ZCCHC2: variants seen among roughly 807,000 people sequenced by gnomAD.
ZCCHC2 encodes zinc finger CCHC domain-containing protein 2.
In ZCCHC2, 39 loss-of-function variants were observed where a neutral mutation model predicts 103.6. That is an observed-to-expected ratio of 0.38 (90% CI 0.29 to 0.49). The LOEUF (loss-of-function observed/expected upper bound fraction) is 0.49. Among genes scored for constraint, ZCCHC2 ranks in the 20% least tolerant of loss-of-function variants. The pLI is 0.96. For synonymous variants in ZCCHC2, 687 were observed against 608.9 expected, an observed-to-expected ratio of 1.13 and a Z score of -1.89; for missense variants, 1,483 against 1,491.0, an observed-to-expected ratio of 0.99 and a Z score of 0.09.
intron 1 of ZCCHC2, among the ~76,000 whole-genome samples, chr18:62,528,109 A>C (rs1261650731): frequency 6.6e-6 from 1 of 152,238 alleles, no homozygotes; most frequent in Non-Finnish European, 1.5e-5. Flanking sequence ...AGATCTTCAA[A>C]GCTTAATTGC....
At chr18:62,546,845 A>G (rs1433498915) in intron 4 of ZCCHC2, among the ~76,000 whole-genome samples, 8 of 152,222 alleles carry the variant, frequency 5.3e-5, no homozygotes, top group Non-Finnish European at 1.2e-4. Flanking sequence ...AATCATAGCA[A>G]TTGATGAACA....
chr18:62,540,600 A>G (rs1303878518), intron 2 of ZCCHC2, among the ~76,000 whole-genome samples: 1 of 152,204 alleles, frequency 6.6e-6, no homozygotes, highest in South Asian at 2.1e-4. Context: ...AAGTACTTTA[A>G]TCAGACTACT....
chr18:62,582,987 C>T (rs1232326580), downstream of ZCCHC2, among the ~76,000 whole-genome samples: 1 of 152,106 alleles, frequency 6.6e-6, no homozygotes, highest in Non-Finnish European at 1.5e-5. Flanking sequence ...GCCTGTAGTC[C>T]CAGCTACTCA....
At chr18:62,584,171 C>A (rs1376600193) in intron 14 of ZCCHC2, among the ~76,000 whole-genome samples, 1 of 152,190 alleles carries the variant, frequency 6.6e-6, no homozygotes, top group Admixed American at 6.5e-5. Context: ...CACCTGAGTT[C>A]TGTGTGTGTA....
intron 14 of ZCCHC2, among the ~76,000 whole-genome samples, chr18:62,584,003 T>A (rs1212250044): frequency 6.6e-6 from 1 of 152,128 alleles, no homozygotes; most frequent in Non-Finnish European, 1.5e-5. Flanking sequence ...ATTGGCTTGC[T>A]CAGGTTGGAT....
chr18:62,571,997 C>G (rs553229137), intron 12 of ZCCHC2, among the ~76,000 whole-genome samples: 7 of 152,356 alleles, frequency 4.6e-5, no homozygotes, highest in African/African-American at 1.7e-4. Flanking sequence ...TACTTCTAAT[C>G]TGCAGTTTCC....
At position 62,574,236 on chromosome 18, in the gene ZCCHC2, A is replaced by T. The variant is rs1916707230; in HGVS notation, c.2155A>T (p.Met719Leu). The change falls in exon 13 of 14, where the codon ATG becomes TTG. Residue 719 changes from methionine to leucine, a missense_variant. Physicochemically the swap from Met to Leu is conservative, Grantham distance 15 (BLOSUM62 2). Coordinates refer to ENST00000269499, the MANE Select transcript of ZCCHC2 (RefSeq NM_017742.6). ...NSPKYQHISF[M>L]PTLHCVMHNG... ...ACCCAAGTATCAGCATATTTCTTTT[A>T]TGCCAACGTTACACTGTGTCATGCA... is the stretch of plus-strand genomic sequence containing the variant. 6.2e-7 allele frequency: 1 copy of T among 1,613,894 alleles called. No individual in the cohort carries two copies. The highest frequency in any genetic ancestry group is 8.5e-7 in the Non-Finnish European group (1 of 1,179,900).
At chr18:62,529,803 G>C (rs957799696) in intron 1 of ZCCHC2, among the ~76,000 whole-genome samples, 2 of 152,152 alleles carry the variant, frequency 1.3e-5, no homozygotes, top group Non-Finnish European at 2.9e-5. Context: ...AAATATGTCT[G>C]TGTGATTTAT....
intron 8 of ZCCHC2, 101 bp from the exon 9 acceptor site, chr18:62,562,908 C>CTAA (rs1444082665): frequency 5.9e-6 from 8 of 1,359,868 alleles, no homozygotes; most frequent in Non-Finnish European, 8.0e-6. Context: ...CTTGAAGAAA[C>CTAA]TAATATATTG....
chr18:62,539,639 G>A (rs1915086469), intron 1 of ZCCHC2, 42 bp from the exon 2 acceptor site: 1 of 1,497,496 alleles, frequency 6.7e-7, no homozygotes, highest in Admixed American at 2.0e-5. Context: ...ATTACTCTTA[G>A]TCCATGGTTT....
intron 4 of ZCCHC2, among the ~76,000 whole-genome samples, chr18:62,547,166 A>G (rs2145503244): frequency 6.6e-6 from 1 of 152,152 alleles, no homozygotes; most frequent in African/African-American, 2.4e-5. Context: ...GTCTACTAAA[A>G]ATACAAAAAA....
downstream of ZCCHC2, among the ~76,000 whole-genome samples, chr18:62,582,183 G>A (rs909757679): frequency 2.6e-5 from 4 of 152,366 alleles, no homozygotes; most frequent in Admixed American, 2.6e-4. Context: ...ATTGACAGTG[G>A]TATTTGAGGA....
chr18:62,529,834 T>C (rs1185079684), intron 1 of ZCCHC2, among the ~76,000 whole-genome samples: 1 of 152,224 alleles, frequency 6.6e-6, no homozygotes, highest in Non-Finnish European at 1.5e-5. Context: ...CCATGGTTTC[T>C]ACATCCGGGG....
chr18:62,553,968 G>A (rs1248379691), intron 5 of ZCCHC2, among the ~76,000 whole-genome samples: 1 of 151,960 alleles, frequency 6.6e-6, no homozygotes, highest in Non-Finnish European at 1.5e-5. Context: ...CTGGTTTCAG[G>A]GTTTTGTGTC....
At chr18:62,563,246 A>G (rs1482015535) in intron 9 of ZCCHC2, 102 bp downstream of exon 9, 1 of 1,362,128 alleles carries the variant, frequency 7.3e-7, no homozygotes, top group Non-Finnish European at 1.0e-6. Context: ...TATATCTGGT[A>G]AGAAATGAAG....
At chr18:62,547,025 C>CT (rs1915442735) in intron 4 of ZCCHC2, among the ~76,000 whole-genome samples, 1 of 151,970 alleles carries the variant, frequency 6.6e-6, no homozygotes, top group African/African-American at 2.4e-5. Context: ...TTAACATCAT[C>CT]TACAAAAGTT....
rs1012135376 is a variant in ZCCHC2 at position 62,524,217 on chromosome 18, A to T, written c.793A>T (p.Met265Leu). Residue 265 changes from methionine (M) to leucine (L), a missense_variant, in exon 1 of 14, where the codon ATG becomes TTG. Met to Leu is a conservative substitution (Grantham distance 15). This residue lies in a region of ZCCHC2 where 568 missense variants were observed against 525.1 expected (regional missense o/e 1.08). Transcript: ENST00000269499. ...GGAGGAACTGCTGCTGCTCTTCACCATGGCCTCGCTGCACCCGGCTTTCTC... is the reference window on the plus strand; with the variant it reads ...GGAGGAACTGCTGCTGCTCTTCACCTTGGCCTCGCTGCACCCGGCTTTCTC... ...AQEELLLLFT[M>L]ASLHPAFSFH... is the part of the protein sequence containing the mutation. The T allele has an allele frequency of 1.3e-6, 2 of 1,549,844 alleles. No individual in the cohort carries two copies. Among genetic ancestry groups the T allele is most frequent in the African/African-American group, 2.7e-5 (2 of 72,898 alleles).
At position 62,570,208 on chromosome 18, in the gene ZCCHC2, A is replaced by G; in HGVS notation, c.1952A>G (p.Glu651Gly). 6.2e-7 allele frequency: 1 copy of G among 1,611,776 alleles called. No individual in the cohort carries two copies. Among genetic ancestry groups the G allele is most frequent in the Non-Finnish European group, 8.5e-7 (1 of 1,178,906 alleles). The part of the protein sequence containing the change: ...SPRHDGRESF[E>G]SEEEKDRDTD... ...CGACATGATGGAAGAGAAAGTTTTG[A>G]AAGTGAAGAAGAGAAAGACAGAGGT... Residue 651 changes from glutamate to glycine, a missense_variant, in exon 12 of 14, where the codon GAA (glutamate) becomes GGA (glycine). Transcript: ENST00000269499.
rs1916882645 is a variant in ZCCHC2 at position 62,577,202 on chromosome 18, A to T, written c.*623A>T. 6.5e-6 allele frequency: 1 copy of T among 152,700 alleles called. No homozygotes were observed. The highest frequency in any genetic ancestry group is 1.5e-5 in the Non-Finnish European group (1 of 68,068). 9.5% of individuals were successfully genotyped at this position (152,700 alleles called of 1,614,324 possible). On this transcript the variant is annotated 3_prime_UTR_variant, in exon 14 of 14. Transcript: ENST00000269499. Reference sequence around the variant, plus strand: ...AATAAACAGCGTCACGTAAATACATATATGCAGTGCTTGTTGTCCAAATAG... The same window carrying T: ...AATAAACAGCGTCACGTAAATACATTTATGCAGTGCTTGTTGTCCAAATAG...
Sources: allele counts gnomAD v4.1 joint callset (sites outside exome capture counted in the v4.1 genomes callset), GRCh38; gene constraint gnomAD v4.1.1; regional missense constraint gnomAD v4.1.1; transcripts MANE v1.5; gene names NCBI Gene and HGNC (gene_info 2026-07-23, HGNC 2026-07-21).